The following STX8 variants were observed in gnomAD, a reference collection of about 807,000 sequenced individuals.
STX8 encodes the protein syntaxin-8.
In STX8, 23 loss-of-function variants were observed where a neutral mutation model predicts 37.5. The observed-to-expected ratio is 0.61, with a 90% CI of 0.44 to 0.87. The LOEUF (loss-of-function observed/expected upper bound fraction) is 0.87, where lower values mean the gene tolerates loss of function less well. STX8 is among the 40% of genes least tolerant of loss of function. The pLI, the probability that STX8 is intolerant of heterozygous loss-of-function variation, is 0.00. For missense variants in STX8, 313 were observed against 284.7 expected (o/e 1.10, Z -0.71); for synonymous variants, 115 against 99.1 (o/e 1.16, Z -0.95).
At chr17:9,314,607 A>C (rs1323621865) in intron 7 of STX8, among the ~76,000 whole-genome samples, 1 of 146,164 alleles carries the variant, frequency 6.8e-6, no homozygotes, top group Non-Finnish European at 1.5e-5. Flanking sequence ...ACGGGGTTTC[A>C]CTGTGTTAGC....
At chr17:9,266,539 G>A (rs777336189) in intron 7 of STX8, among the ~76,000 whole-genome samples, 10 of 152,166 alleles carry the variant, frequency 6.6e-5, no homozygotes, top group Non-Finnish European at 1.2e-4. Context: ...GCCAGGTCAC[G>A]GTGGTGGAAG....
At chr17:9,488,322 G>A (rs9890939) in intron 6 of STX8, among the ~76,000 whole-genome samples, 93,946 of 147,132 alleles carry the variant, frequency 0.64, 31,805 homozygotes, top group Middle Eastern at 0.8. Flanking sequence ...GCGAAACTCT[G>A]TCTTAAAAAA....
At position 9,445,939 on chromosome 17, in the gene STX8, G is replaced by A. The variant is rs533573073; in HGVS notation, c.541+45890C>T. Reference sequence around the variant, plus strand: ...TGCAAGCTCTGCCTCCCGGGTTCACGCCATTCCCGACTCGGCCTCCCGAGT... The same window carrying A: ...TGCAAGCTCTGCCTCCCGGGTTCACACCATTCCCGACTCGGCCTCCCGAGT... On this transcript the variant is annotated intron_variant, in intron 6 of 7. Transcript: ENST00000306357. Among the ~76,000 whole-genome samples the A allele has an allele frequency of 7.5e-4, 112 of 148,628 alleles. 1 individual carries two copies. The highest frequency in any genetic ancestry group is 2.6e-3 in the African/African-American group (104 of 40,194).
intron 6 of STX8, among the ~76,000 whole-genome samples, chr17:9,442,921 G>A (rs1320002872): frequency 6.6e-6 from 1 of 152,138 alleles, no homozygotes; most frequent in African/African-American, 2.4e-5. Flanking sequence ...AGTCAGTCAG[G>A]TATGGATGAT....
rs543011587 is a variant in STX8 at position 9,344,753 on chromosome 17, T to C, written c.643+33799A>G. Among the ~76,000 whole-genome samples, 84 of 152,272 alleles carry C rather than the reference T, an allele frequency of 5.5e-4. No individual in the cohort carries two copies. The South Asian group carries it at 0.017, about 30-fold the overall frequency. On this transcript the variant is annotated intron_variant, in intron 7 of 7. Coordinates refer to ENST00000306357, the MANE Select transcript of STX8 (RefSeq NM_004853.3). ...CATCAAAGCTCCAGTTTCCCTACTA[T>C]GGATGATTTCCTGGTGATATTTTTA...
chr17:9,471,031 C>CT (rs757411419), intron 6 of STX8, among the ~76,000 whole-genome samples: 10,867 of 32,642 alleles, frequency 0.33, 3,875 homozygotes, highest in Non-Finnish European at 0.42. Flanking sequence ...CTGCATCCTG[C>CT]TTTTTTTTTT....
At chr17:9,379,681 G>T (rs560367671) in intron 6 of STX8, among the ~76,000 whole-genome samples, 1 of 152,112 alleles carries the variant, frequency 6.6e-6, no homozygotes, top group East Asian at 1.9e-4. Flanking sequence ...AAGAATCCTT[G>T]ATGTGGGCTG....
chr17:9,306,492 G>A (rs1908991479), intron 7 of STX8, among the ~76,000 whole-genome samples: 1 of 151,138 alleles, frequency 6.6e-6, no homozygotes, highest in Non-Finnish European at 1.5e-5. Context: ...TCTCACACCT[G>A]TAATCCCAGC....
At chr17:9,294,045 G>A (rs985378503) in intron 7 of STX8, among the ~76,000 whole-genome samples, 2 of 152,096 alleles carry the variant, frequency 1.3e-5, no homozygotes, top group Admixed American at 6.6e-5. Flanking sequence ...GATTACAGGC[G>A]TGAGCCACTG....
chr17:9,468,763 C>T (rs1377928729), intron 6 of STX8, among the ~76,000 whole-genome samples: 2 of 152,196 alleles, frequency 1.3e-5, no homozygotes, highest in East Asian at 1.9e-4. Context: ...CTGATCAAGG[C>T]TGGGGCATAT....
chr17:9,509,995 C>A (rs917634867), intron 4 of STX8, among the ~76,000 whole-genome samples: 1 of 151,938 alleles, frequency 6.6e-6, no homozygotes, highest in African/African-American at 2.4e-5. Context: ...TTATATCAGA[C>A]AAAACAGACT....
chr17:9,404,289 G>A (rs147975007), intron 6 of STX8, among the ~76,000 whole-genome samples: 2,147 of 152,150 alleles, frequency 0.014, 25 homozygotes, highest in Middle Eastern at 0.041. Flanking sequence ...GCAGGAAAGG[G>A]AGGCACACTT....
intron 4 of STX8, among the ~76,000 whole-genome samples, chr17:9,518,426 C>T (rs968137266): frequency 1.3e-5 from 2 of 152,164 alleles, no homozygotes; most frequent in African/African-American, 2.4e-5. Flanking sequence ...CTCCCACTGA[C>T]AGCTCCTTCT....
intron 6 of STX8, among the ~76,000 whole-genome samples, chr17:9,481,468 C>A (rs1234939211): frequency 6.6e-6 from 1 of 152,120 alleles, no homozygotes; most frequent in African/African-American, 2.4e-5. Flanking sequence ...TCACTCCTGC[C>A]ATAGCCATTA....
chr17:9,278,059 T>G (rs1300624685), intron 7 of STX8, among the ~76,000 whole-genome samples: 1 of 152,102 alleles, frequency 6.6e-6, no homozygotes, highest in Non-Finnish European at 1.5e-5. Flanking sequence ...CAGGTCCAAG[T>G]AAAGCCAACA....
chr17:9,425,883 C>T (rs551322319), intron 6 of STX8, among the ~76,000 whole-genome samples: 5 of 152,244 alleles, frequency 3.3e-5, no homozygotes, highest in Non-Finnish European at 7.4e-5. Flanking sequence ...AAGGCTTGGA[C>T]GTCTACAGAT....
At chr17:9,367,706 T>C (rs545985649) in intron 7 of STX8, among the ~76,000 whole-genome samples, 1 of 152,300 alleles carries the variant, frequency 6.6e-6, no homozygotes, top group East Asian at 1.9e-4. Context: ...AAGTAAAATA[T>C]AGCATAATGT....
intron 6 of STX8, among the ~76,000 whole-genome samples, chr17:9,393,873 C>T (rs76423556): frequency 8.5e-4 from 130 of 152,234 alleles, no homozygotes; most frequent in African/African-American, 3.0e-3. Context: ...AAGGAAGTTT[C>T]TGGAGCAATG....
At chr17:9,402,370 C>G (rs1912655432) in intron 6 of STX8, among the ~76,000 whole-genome samples, 1 of 152,158 alleles carries the variant, frequency 6.6e-6, no homozygotes, top group Non-Finnish European at 1.5e-5. Context: ...ATCTGCCCGC[C>G]TCGGCCTCCC....
Sources: gnomAD v4.1 joint callset for allele counts (sites outside exome capture counted in the v4.1 genomes callset) on GRCh38, gnomAD v4.1.1 for gene constraint, MANE v1.5 for transcripts, NCBI Gene and HGNC (gene_info 2026-07-23, HGNC 2026-07-21) for gene names.